The following ADD1 variants were observed in gnomAD, a reference collection of about 807,000 sequenced individuals.
ADD1 encodes the protein adducin 1, also known as alpha-adducin.
A neutral mutation model predicts 80.5 loss-of-function variants in ADD1; 24 were observed. That is an observed-to-expected ratio of 0.30 (90% confidence interval 0.22 to 0.42). ADD1 has a LOEUF of 0.42. ADD1 is among the 10% of genes least tolerant of loss of function. ADD1 has a pLI of 1.00. For synonymous variants in ADD1, 373 were observed against 393.8 expected, an observed-to-expected ratio of 0.95 and a Z score of 0.63; for missense variants, 948 against 1,019.0, an observed-to-expected ratio of 0.93 and a Z score of 0.95.
intron 4 of ADD1, among the ~76,000 whole-genome samples, chr4:2,886,258 G>A (rs1021526152): frequency 2.6e-5 from 4 of 152,196 alleles, no homozygotes; most frequent in Non-Finnish European, 2.9e-5. Context: ...CATAACCAGC[G>A]GTGCTTCGTT....
chr4:2,880,370 T>G (rs1265228024), intron 2 of ADD1, among the ~76,000 whole-genome samples: 1 of 151,574 alleles, frequency 6.6e-6, no homozygotes, highest in Admixed American at 6.6e-5. Context: ...AGTGACAAAC[T>G]AGAAGTAAAT....
intron 14 of ADD1, among the ~76,000 whole-genome samples, chr4:2,925,275 G>C (rs1018450134): frequency 6.6e-6 from 1 of 152,216 alleles, no homozygotes; most frequent in South Asian, 2.1e-4. Flanking sequence ...CGAGCCAGCT[G>C]TTAGGGTGGG....
intron 1 of ADD1, among the ~76,000 whole-genome samples, chr4:2,845,621 T>G (rs865917338): frequency 2.6e-5 from 4 of 152,194 alleles, no homozygotes; most frequent in African/African-American, 4.8e-5. Flanking sequence ...AATTGTGAGA[T>G]AGTTTTCCTT....
intron 1 of ADD1, among the ~76,000 whole-genome samples, chr4:2,868,349 C>T (rs1349102150): frequency 6.6e-6 from 1 of 152,154 alleles, no homozygotes; most frequent in African/African-American, 2.4e-5. Context: ...CTGGCCAGGG[C>T]GTCCATGTCT....
Position 2,884,512 on chromosome 4 carries a change from C to A in ADD1, c.359-3C>A. Reference sequence around the variant, plus strand: ...GGCTGAGTTTTGTTTTTCTTTATTTCAGGTCTTGGTATGGTGACTCCTGTG... The same window carrying A: ...GGCTGAGTTTTGTTTTTCTTTATTTAAGGTCTTGGTATGGTGACTCCTGTG... On this transcript the variant is annotated splice_region_variant and splice_polypyrimidine_tract_variant and intron_variant, in intron 3 of 15. Coordinates refer to ENST00000683351, the MANE Select transcript of ADD1 (RefSeq NM_001354761.2). 1 of 1,589,742 alleles carries A rather than the reference C, an allele frequency of 6.3e-7. No individual in the cohort carries two copies. Among genetic ancestry groups the A allele is most frequent in the Non-Finnish European group, 8.6e-7 (1 of 1,163,836 alleles).
intron 1 of ADD1, among the ~76,000 whole-genome samples, chr4:2,846,709 G>A (rs1018067447): frequency 7.9e-5 from 12 of 151,772 alleles, no homozygotes; most frequent in Admixed American, 2.0e-4. Context: ...GCTAGGATGG[G>A]CCTGTAATCG....
chr4:2,876,180 T>C lies in ADD1; in HGVS notation c.195+70T>C, dbSNP rs980066842. ...TTCTAATACTTCAGGTCTTATGCCCTGTTGTATGAGTGGCATAGTTCATTG... is the reference window on the plus strand; with the variant it reads ...TTCTAATACTTCAGGTCTTATGCCCCGTTGTATGAGTGGCATAGTTCATTG... On this transcript the variant is annotated intron_variant, in intron 2 of 15. Transcript: ENST00000683351. 62 of 1,448,084 alleles carry C rather than the reference T, an allele frequency of 4.3e-5. No individual in the cohort carries two copies. The African/African-American group carries it at 8.3e-4, about 19-fold the overall frequency. The allele number at this position is 1,448,084 out of a possible 1,614,324, so 89.7% of individuals were successfully genotyped here.
rs780531879 is a variant in ADD1, at chr4:2,928,749, G to T, written c.*226G>T. ...CCTCTCAGAGCCTCAGCTTCTGGGG[G>T]AGACATGCTCTCCCCACAGGGGGGA... On this transcript the variant is annotated 3_prime_UTR_variant, in exon 16 of 16. Transcript: ENST00000683351. The T allele has an allele frequency of 1.9e-6, 1 of 536,670 alleles. No individual in the cohort carries two copies. The highest frequency in any genetic ancestry group is 3.2e-6 in the Non-Finnish European group (1 of 309,638). 33.2% of individuals were successfully genotyped at this position (536,670 alleles called of 1,614,324 possible).
At chr4:2,871,383 G>T (rs1730430266) in intron 1 of ADD1, among the ~76,000 whole-genome samples, 1 of 152,056 alleles carries the variant, frequency 6.6e-6, no homozygotes, top group South Asian at 2.1e-4. Context: ...ACACTGAATT[G>T]CTTTTATGTC....
intron 4 of ADD1, among the ~76,000 whole-genome samples, chr4:2,885,827 G>A (rs1010542616): frequency 2.6e-4 from 40 of 151,986 alleles, no homozygotes; most frequent in East Asian, 7.7e-4. Flanking sequence ...AGCCAGGATG[G>A]TCTCGATCTC....
chr4:2,928,715 G>A lies in ADD1; in HGVS notation c.*192G>A. 5.3e-6 allele frequency: 3 copies of A among 561,606 alleles called. No homozygotes were observed. In the South Asian group the frequency reaches 7.3e-5, roughly 14 times the overall value. 34.8% of individuals were successfully genotyped at this position (561,606 alleles called of 1,614,324 possible). The stretch of plus-strand genomic sequence containing the variant: ...GTGCTCAGCAGCCCCACCCCACCCT[G>A]CCCCTTGTCCTCTCAGAGCCTCAGC... On this transcript the variant is annotated 3_prime_UTR_variant, in exon 16 of 16. Coordinates refer to ENST00000683351, the MANE Select transcript of ADD1 (RefSeq NM_001354761.2).
At chr4:2,891,118 C>G (rs1232291527) in intron 4 of ADD1, among the ~76,000 whole-genome samples, 11 of 145,958 alleles carry the variant, frequency 7.5e-5, no homozygotes, top group Non-Finnish European at 3.0e-5. Context: ...AACCCTGTCT[C>G]TATTTTAAAA....
rs576247430 is a variant in ADD1, at chr4:2,912,337, C to T, written c.1792-2547C>T. ...GCAGAGGAATGTGATTCTCTGTTCC[C>T]ATAACTGGTCTTGACAGCAGCTTAA... is the stretch of plus-strand genomic sequence containing the variant. On this transcript the variant is annotated intron_variant, in intron 13 of 15. Coordinates refer to ENST00000683351, the MANE Select transcript of ADD1 (RefSeq NM_001354761.2). 9.8e-5 allele frequency among the ~76,000 whole-genome samples: 15 copies of T among 152,292 alleles called. No individual in the cohort carries two copies. The South Asian group carries it at 2.5e-3, about 25-fold the overall frequency.
At chr4:2,899,164 T>G in intron 8 of ADD1, 95 bp from the exon 9 acceptor site, 1 of 1,246,634 alleles carries the variant, frequency 8.0e-7, no homozygotes, top group East Asian at 2.4e-5. Context: ...CTCTAGAGAT[T>G]TGGTTTCTTT....
intron 1 of ADD1, among the ~76,000 whole-genome samples, chr4:2,845,318 G>A (rs191870072): frequency 6.2e-4 from 94 of 152,194 alleles, no homozygotes; most frequent in African/African-American, 2.0e-3. Context: ...TGATCCGTCC[G>A]CCTAGGCCTC....
intron 13 of ADD1, among the ~76,000 whole-genome samples, chr4:2,914,394 A>G (rs1738623687): frequency 6.6e-6 from 1 of 152,246 alleles, no homozygotes. Flanking sequence ...GGAACTAGTT[A>G]CAAACTAACC....
At chr4:2,906,355 A>G (rs1737063927) in intron 10 of ADD1, among the ~76,000 whole-genome samples, 1 of 149,248 alleles carries the variant, frequency 6.7e-6, no homozygotes, top group Non-Finnish European at 1.5e-5. Context: ...TTTATTTTTT[A>G]CTTGTTTCAC....
chr4:2,878,418 A>G (rs1033741545), intron 2 of ADD1, among the ~76,000 whole-genome samples: 1 of 152,130 alleles, frequency 6.6e-6, no homozygotes, highest in Non-Finnish European at 1.5e-5. Context: ...AAGAAGTGAA[A>G]GGGAAAAAAA....
rs111778186 is a variant in ADD1, at chr4:2,913,538, C to T, written c.1792-1346C>T. Among the ~76,000 whole-genome samples the T allele has an allele frequency of 4.3e-3, 657 of 152,252 alleles. 1 individual carries two copies. The highest frequency in any genetic ancestry group is 7.0e-3 in the Non-Finnish European group (479 of 68,018). On this transcript the variant is annotated intron_variant, in intron 13 of 15. Coordinates refer to ENST00000683351, the MANE Select transcript of ADD1 (RefSeq NM_001354761.2). ...GGGTTCCCTTTGACTTGTTGACTGT[C>T]GAGAGTCTCCAGGCTCCCGGGCAAA...
Sources: allele counts gnomAD v4.1 joint callset (sites outside exome capture counted in the v4.1 genomes callset), GRCh38; gene constraint gnomAD v4.1.1; transcripts MANE v1.5; gene names NCBI Gene and HGNC (gene_info 2026-07-23, HGNC 2026-07-21).